Variants in GALNT17 observed in about 807,000 individuals in gnomAD.
GALNT17 encodes the protein polypeptide N-acetylgalactosaminyltransferase 17.
In GALNT17, 29 loss-of-function variants were observed where a neutral mutation model predicts 63.7. That is an observed-to-expected ratio of 0.46 (90% CI 0.34 to 0.62). The LOEUF (loss-of-function observed/expected upper bound fraction) is 0.62. Ranked by LOEUF, GALNT17 falls within the 20% of genes least tolerant of loss-of-function variation. The probability of loss-of-function intolerance (pLI) is 0.01; values close to 1 mark genes in which losing one functional copy is unlikely to be tolerated. For missense variants in GALNT17, 603 were observed against 799.6 expected (o/e 0.75, Z 2.97); for synonymous variants, 305 against 318.3 (o/e 0.96, Z 0.45).
intron 5 of GALNT17, among the ~76,000 whole-genome samples, chr7:71,506,733 G>A (rs768297623): frequency 3.9e-5 from 6 of 152,070 alleles, no homozygotes; most frequent in Non-Finnish European, 8.8e-5. Flanking sequence ...TCTTTGTGTT[G>A]TACTGGTACA....
Position 71,151,646 on chromosome 7 carries a change from A to AAC in GALNT17, c.238+18607_238+18608insCA, listed in dbSNP as rs78020555. On this transcript the variant is annotated intron_variant, in intron 1 of 10. Coordinates refer to ENST00000333538, the MANE Select transcript of GALNT17 (RefSeq NM_022479.3). ...AAAAAAAGAAAAGAAAAAAAAAAAA[A>AAC]AGAAAATAGCCTTGTTTCTCAGTGT... 1.2e-3 allele frequency among the ~76,000 whole-genome samples: 189 copies of AAC among 151,862 alleles called. 1 individual carries two copies. The highest frequency in any genetic ancestry group is 4.3e-3 in the African/African-American group (180 of 41,398).
At chr7:71,542,134 A>G (rs971629010) in intron 5 of GALNT17, among the ~76,000 whole-genome samples, 5 of 152,196 alleles carry the variant, frequency 3.3e-5, no homozygotes, top group Non-Finnish European at 4.4e-5. Context: ...GTCAAATGGA[A>G]TAAATGCCTG....
chr7:71,556,602 G>A (rs1789166212), intron 5 of GALNT17, among the ~76,000 whole-genome samples: 1 of 151,964 alleles, frequency 6.6e-6, no homozygotes. Context: ...CATCACCCAG[G>A]GTAGAGTGCA....
chr7:71,311,695 A>G (rs1791416701), intron 1 of GALNT17, among the ~76,000 whole-genome samples: 1 of 152,130 alleles, frequency 6.6e-6, no homozygotes, highest in Admixed American at 6.5e-5. Context: ...TTGATTTGTT[A>G]TTCTTGAGAT....
chr7:71,355,868 A>G (rs1350040617), intron 2 of GALNT17, among the ~76,000 whole-genome samples: 5 of 152,122 alleles, frequency 3.3e-5, no homozygotes, highest in Non-Finnish European at 7.4e-5. Flanking sequence ...GAGGTTGAGA[A>G]GATGTGTTGC....
At chr7:71,227,418 G>A (rs1789701485) in intron 1 of GALNT17, among the ~76,000 whole-genome samples, 1 of 151,830 alleles carries the variant, frequency 6.6e-6, no homozygotes, top group African/African-American at 2.4e-5. Flanking sequence ...AGGTTGAGAT[G>A]TGCTGGTCCC....
intron 5 of GALNT17, among the ~76,000 whole-genome samples, chr7:71,428,930 A>G (rs1273214478): frequency 6.6e-6 from 1 of 152,158 alleles, no homozygotes; most frequent in African/African-American, 2.4e-5. Flanking sequence ...CTCCACTTCC[A>G]GGGACACCGG....
chr7:71,593,656 A>C (rs1789844404), intron 6 of GALNT17, among the ~76,000 whole-genome samples: 1 of 152,206 alleles, frequency 6.6e-6, no homozygotes, highest in Non-Finnish European at 1.5e-5. Flanking sequence ...ACCCATATGC[A>C]ACCAGTGTCT....
Position 71,132,886 on chromosome 7 carries a change from C to G in GALNT17, c.84C>G (p.Cys28Trp). ...VAGFVLFLAK[C>W]RPIAVRSGDA... is the part of the protein sequence containing the mutation. ...GCTTCGTGCTCTTCCTGGCCAAGTGCCGGCCCATCGCGGTGCGCAGCGGAG... is the reference window on the plus strand; with the variant it reads ...GCTTCGTGCTCTTCCTGGCCAAGTGGCGGCCCATCGCGGTGCGCAGCGGAG... The change falls in exon 1 of 11, where the codon TGC (cysteine) becomes TGG (tryptophan). Residue 28 changes from cysteine to tryptophan, a missense_variant. Cys to Trp is a radical substitution (Grantham distance 215). This residue lies in a region of GALNT17 where 195 missense variants were observed against 215.0 expected (regional missense o/e 0.91). Transcript: ENST00000333538. The G allele has an allele frequency of 6.2e-7, 1 of 1,613,046 alleles. No individual in the cohort carries two copies. Among genetic ancestry groups the G allele is most frequent in the South Asian group, 1.1e-5 (1 of 91,030 alleles).
chr7:71,459,660 A>C (rs1787417386), intron 5 of GALNT17, among the ~76,000 whole-genome samples: 1 of 152,178 alleles, frequency 6.6e-6, no homozygotes, highest in African/African-American at 2.4e-5. Flanking sequence ...TCTTGGCCAT[A>C]TTTTGAAATG....
Position 71,335,578 on chromosome 7 carries a change from A to G in GALNT17, c.267A>G (p.Glu89=), listed in dbSNP as rs1791884117. 1.9e-6 allele frequency: 3 copies of G among 1,606,136 alleles called. No individual in the cohort carries two copies. In the African/African-American group the frequency reaches 4.0e-5, roughly 22 times the overall value. ...NGLSKSLGLI[E]GYGGRGKGGL... is the part of the protein sequence containing the mutation. ...TATCCAAATCCCTTGGGCTCATTGA[A>G]GGTTATGGTGGGCGGGGTAAAGGGG... Residue 89 remains glutamate (E), a synonymous_variant, in exon 2 of 11, where the codon GAA becomes GAG. Coordinates refer to ENST00000333538, the MANE Select transcript of GALNT17 (RefSeq NM_022479.3).
At position 71,670,106 on chromosome 7, in the gene GALNT17, G is replaced by A; in HGVS notation, c.1401G>A (p.Gly467=). 6.2e-7 allele frequency: 1 copy of A among 1,614,030 alleles called. No homozygotes were observed. The highest frequency in any genetic ancestry group is 8.5e-7 in the Non-Finnish European group (1 of 1,179,966). Residue 467 remains glycine, a synonymous_variant, in exon 8 of 11, where the codon GGG becomes GGA. Transcript: ENST00000333538. ...MRRYNNTVAY[G]ELRNNKAKDV... ...GATACAATAATACCGTTGCTTACGG[G>A]GAGGTAATTCAGACCGTGCATGCTT...
At chr7:71,557,609 A>G (rs1471642104) in intron 5 of GALNT17, among the ~76,000 whole-genome samples, 4 of 152,170 alleles carry the variant, frequency 2.6e-5, no homozygotes, top group African/African-American at 9.6e-5. Context: ...CCTGGCCAAC[A>G]TGATGAAACC....
chr7:71,701,884 T>C lies in GALNT17; in HGVS notation c.1501-8877T>C, dbSNP rs1450263932. 1.4e-4 allele frequency among the ~76,000 whole-genome samples: 16 copies of C among 114,158 alleles called. 1 individual carries two copies. The highest frequency in any genetic ancestry group is 6.0e-4 in the African/African-American group (16 of 26,874). 74.9% of individuals were successfully genotyped at this position (114,158 alleles called of 152,430 possible). On this transcript the variant is annotated intron_variant, in intron 9 of 10. Coordinates refer to ENST00000333538, the MANE Select transcript of GALNT17 (RefSeq NM_022479.3). The stretch of plus-strand genomic sequence containing the variant: ...ATATATATATACATATATATATGTA[T>C]ATATATATATACACATATATATATA...
chr7:71,447,804 T>G (rs1334702562), intron 5 of GALNT17, among the ~76,000 whole-genome samples: 1 of 152,202 alleles, frequency 6.6e-6, no homozygotes, highest in East Asian at 1.9e-4. Flanking sequence ...TTCAGCTACA[T>G]GCTTTCTACC....
chr7:71,607,202 C>T (rs538631684), intron 6 of GALNT17, among the ~76,000 whole-genome samples: 32 of 152,086 alleles, frequency 2.1e-4, no homozygotes, highest in African/African-American at 7.2e-4. Context: ...AAATTGATAC[C>T]CAAGATAGCG....
At chr7:71,239,048 A>G (rs776880345) in intron 1 of GALNT17, among the ~76,000 whole-genome samples, 9 of 152,200 alleles carry the variant, frequency 5.9e-5, no homozygotes, top group Non-Finnish European at 1.3e-4. Context: ...AGTCAAGCCT[A>G]GAGATGAGCC....
intron 1 of GALNT17, among the ~76,000 whole-genome samples, chr7:71,233,049 G>A (rs1789822360): frequency 1.3e-5 from 2 of 152,084 alleles, no homozygotes; most frequent in African/African-American, 4.8e-5. Flanking sequence ...TTACAGAGGG[G>A]GAAACTGAGG....
intron 1 of GALNT17, among the ~76,000 whole-genome samples, chr7:71,158,371 C>T (rs890423951): frequency 2.0e-4 from 30 of 151,382 alleles, no homozygotes; most frequent in Non-Finnish European, 3.5e-4. Flanking sequence ...TCATCTTTCT[C>T]CATCTGAGAT....
Sources: allele counts gnomAD v4.1 joint callset (sites outside exome capture counted in the v4.1 genomes callset), GRCh38; gene constraint gnomAD v4.1.1; regional missense constraint gnomAD v4.1.1; transcripts MANE v1.5; gene names NCBI Gene and HGNC (gene_info 2026-07-23, HGNC 2026-07-21).